FER: variants seen among roughly 807,000 people sequenced by gnomAD.
FER encodes the protein tyrosine-protein kinase Fer.
In FER, 63 loss-of-function variants were observed where a neutral mutation model predicts 111.0. That is an observed-to-expected ratio of 0.57 (90% confidence interval 0.46 to 0.70). FER has a LOEUF of 0.70. FER is among the 30% of genes least tolerant of loss of function. The probability of loss-of-function intolerance (pLI) is 0.00; values close to 1 mark genes in which losing one functional copy is unlikely to be tolerated. For missense variants in FER, 914 were observed against 954.0 expected (o/e 0.96, Z 0.55); for synonymous variants, 327 against 313.9 (o/e 1.04, Z -0.44).
intron 14 of FER, among the ~76,000 whole-genome samples, chr5:109,044,130 A>G (rs1771596264): frequency 6.6e-6 from 1 of 152,134 alleles, no homozygotes; most frequent in African/African-American, 2.4e-5. Context: ...AATTTTAAAA[A>G]ATAGATTTCA....
At chr5:108,807,721 G>T (rs775596352) in intron 3 of FER, among the ~76,000 whole-genome samples, 1 of 151,964 alleles carries the variant, frequency 6.6e-6, no homozygotes, top group South Asian at 2.1e-4. Context: ...TCCTGAATTC[G>T]AGATCTTTCT....
intron 13 of FER, among the ~76,000 whole-genome samples, chr5:108,985,920 T>A (rs1762519132): frequency 6.6e-6 from 1 of 152,230 alleles, no homozygotes; most frequent in Non-Finnish European, 1.5e-5. Context: ...ACCTTTTTCG[T>A]ACAATGACTT....
At chr5:108,926,672 G>A (rs1003190004) in intron 10 of FER, among the ~76,000 whole-genome samples, 20 of 152,088 alleles carry the variant, frequency 1.3e-4, no homozygotes, top group Non-Finnish European at 2.9e-4. Flanking sequence ...ATACTTTTAA[G>A]TACTTTTCAT....
At chr5:108,845,364 G>T (rs112636839) in intron 5 of FER, among the ~76,000 whole-genome samples, 79 of 151,582 alleles carry the variant, frequency 5.2e-4, no homozygotes, top group African/African-American at 1.5e-3. Context: ...TATTTTTCCA[G>T]TAGAGATGGG....
chr5:108,831,962 C>G (rs540058716), intron 3 of FER, among the ~76,000 whole-genome samples: 1 of 151,426 alleles, frequency 6.6e-6, no homozygotes, highest in Non-Finnish European at 1.5e-5. Context: ...AAGAGGATTC[C>G]TCTGTTCCTT....
chr5:108,937,786 A>G (rs931333299), intron 10 of FER, among the ~76,000 whole-genome samples: 1 of 151,870 alleles, frequency 6.6e-6, no homozygotes, highest in Non-Finnish European at 1.5e-5. Context: ...TCCTAAGACC[A>G]TCTGCTTTGG....
At chr5:109,015,845 C>T (rs1053590598) in intron 13 of FER, among the ~76,000 whole-genome samples, 28 of 151,926 alleles carry the variant, frequency 1.8e-4, no homozygotes, top group African/African-American at 6.8e-4. Context: ...TTGTCAGCAT[C>T]GTGTGCCTTT....
At chr5:109,091,637 C>T (rs1274521939) in intron 16 of FER, among the ~76,000 whole-genome samples, 3 of 152,172 alleles carry the variant, frequency 2.0e-5, no homozygotes, top group South Asian at 2.1e-4. Flanking sequence ...GGCACCCAGC[C>T]TCAACCCTTG....
chr5:108,888,672 A>G (rs1747540174), intron 9 of FER, among the ~76,000 whole-genome samples: 1 of 151,904 alleles, frequency 6.6e-6, no homozygotes, highest in Non-Finnish European at 1.5e-5. Flanking sequence ...TGTTTGCTCA[A>G]TGGTATTATA....
intron 16 of FER, among the ~76,000 whole-genome samples, chr5:109,069,426 CAG>C (rs1018528720): frequency 1.3e-5 from 2 of 152,062 alleles, no homozygotes; most frequent in African/African-American, 4.8e-5. Flanking sequence ...TAAAAACTGT[CAG>C]AGATGGATAC....
At chr5:109,009,687 T>C (rs1419810690) in intron 13 of FER, among the ~76,000 whole-genome samples, 1 of 152,216 alleles carries the variant, frequency 6.6e-6, no homozygotes, top group African/African-American at 2.4e-5. Flanking sequence ...CCCAAAAATA[T>C]AGTGTCTTAA....
chr5:109,055,776 G>A (rs1353881686), intron 16 of FER, among the ~76,000 whole-genome samples: 1 of 120,908 alleles, frequency 8.3e-6, no homozygotes, highest in Non-Finnish European at 1.6e-5. Flanking sequence ...CCACAACAGA[G>A]TGAAACCTTG....
chr5:108,874,504 C>A (rs1764895932), intron 8 of FER, among the ~76,000 whole-genome samples: 1 of 151,982 alleles, frequency 6.6e-6, no homozygotes, highest in African/African-American at 2.4e-5. Flanking sequence ...GAATTTTATT[C>A]CCAGAGAGTT....
chr5:108,866,119 A>G (rs1385211855), intron 5 of FER, among the ~76,000 whole-genome samples: 5 of 152,238 alleles, frequency 3.3e-5, no homozygotes, highest in Admixed American at 1.3e-4. Flanking sequence ...TCATGCTGCT[A>G]TAAAGACACA....
At chr5:108,894,692 A>T (rs1273337619) in intron 9 of FER, 4 of 216,994 alleles carry the variant, frequency 1.8e-5, no homozygotes, top group African/African-American at 9.3e-5. Flanking sequence ...GGTTTAATTG[A>T]CTCACAGTTC....
intron 12 of FER, among the ~76,000 whole-genome samples, chr5:108,958,927 G>A (rs991904492): frequency 2.0e-5 from 3 of 151,820 alleles, no homozygotes; most frequent in Admixed American, 2.0e-4. Context: ...TTAGCAAAAT[G>A]CATTTCAGGT....
intron 17 of FER, among the ~76,000 whole-genome samples, chr5:109,174,521 C>G (rs1404471108): frequency 6.6e-6 from 1 of 152,152 alleles, no homozygotes; most frequent in African/African-American, 2.4e-5. Context: ...CTCTAAGAGA[C>G]AGTTTATGGT....
intron 13 of FER, among the ~76,000 whole-genome samples, chr5:108,992,103 A>G (rs1025536356): frequency 6.6e-6 from 1 of 152,072 alleles, no homozygotes; most frequent in Admixed American, 6.5e-5. Context: ...GCCTTCAAGC[A>G]TCTGTTTAAC....
intron 16 of FER, among the ~76,000 whole-genome samples, chr5:109,084,332 A>G (rs979398637): frequency 6.6e-6 from 1 of 151,758 alleles, no homozygotes; most frequent in African/African-American, 2.4e-5. Flanking sequence ...TTGCTTACCT[A>G]TTTGTTACTG....
Sources: allele counts gnomAD v4.1 joint callset (sites outside exome capture counted in the v4.1 genomes callset), GRCh38; gene constraint gnomAD v4.1.1; transcripts MANE v1.5; gene names NCBI Gene and HGNC (gene_info 2026-07-23, HGNC 2026-07-21).